The following SORCS3 variants were observed in gnomAD, a reference collection of about 807,000 sequenced individuals.
SORCS3 encodes VPS10 domain-containing receptor SorCS3.
In SORCS3, 57 loss-of-function variants were observed where a neutral mutation model predicts 146.3. That is an observed-to-expected ratio of 0.39 (90% CI 0.31 to 0.49). The LOEUF (loss-of-function observed/expected upper bound fraction) is 0.49. SORCS3 is among the 20% of genes least tolerant of loss of function. SORCS3 has a pLI of 0.92. For missense variants in SORCS3, 1,341 were observed against 1,575.5 expected (o/e 0.85, Z 2.52); for synonymous variants, 653 against 618.5 (o/e 1.06, Z -0.83).
intron 1 of SORCS3, among the ~76,000 whole-genome samples, chr10:104,702,901 T>G (rs1057409670): frequency 6.6e-6 from 1 of 152,216 alleles, no homozygotes; most frequent in African/African-American, 2.4e-5. Context: ...ATTCATTCAT[T>G]CAGTTTCTCT....
chr10:105,033,543 C>T (rs1049457188), intron 4 of SORCS3, among the ~76,000 whole-genome samples: 1 of 152,174 alleles, frequency 6.6e-6, no homozygotes, highest in East Asian at 1.9e-4. Context: ...GATGGGATTC[C>T]TCTCATCTAG....
At chr10:105,013,127 C>A (rs1254496999) in intron 4 of SORCS3, among the ~76,000 whole-genome samples, 1 of 152,044 alleles carries the variant, frequency 6.6e-6, no homozygotes, top group South Asian at 2.1e-4. Flanking sequence ...TCTCAATTGA[C>A]TCATGAAAAT....
intron 9 of SORCS3, among the ~76,000 whole-genome samples, chr10:105,154,566 T>TCAG (rs1350248256): frequency 6.6e-6 from 1 of 152,208 alleles, no homozygotes; most frequent in Non-Finnish European, 1.5e-5. Flanking sequence ...GCTGAAATAA[T>TCAG]CAGCAGCAGC....
At chr10:104,710,302 G>A (rs1436085765) in intron 1 of SORCS3, among the ~76,000 whole-genome samples, 1 of 152,132 alleles carries the variant, frequency 6.6e-6, no homozygotes, top group East Asian at 1.9e-4. Flanking sequence ...CTGCAATCCA[G>A]CCAAAGTGCT....
In SORCS3 at chr10:104,732,016, A is replaced by G. The variant is rs150282389; in HGVS notation, c.627+90062A>G. ...TTTCTTTAACACTGGGGAATATTTT[A>G]TAGGGTTAGAAGGAATAAATGAGAT... On this transcript the variant is annotated intron_variant, in intron 1 of 26. Transcript: ENST00000369701. Among the ~76,000 whole-genome samples, 318 of 152,322 alleles carry G rather than the reference A, an allele frequency of 2.1e-3. 1 individual carries two copies. The highest frequency in any genetic ancestry group is 3.2e-3 in the Non-Finnish European group (221 of 68,010).
intron 20 of SORCS3, among the ~76,000 whole-genome samples, chr10:105,239,404 C>T (rs1224288179): frequency 6.6e-6 from 1 of 152,170 alleles, no homozygotes; most frequent in Admixed American, 6.5e-5. Context: ...ATTAACTTGA[C>T]TTACTGTGTC....
At chr10:104,929,623 G>A (rs1484680626) in intron 3 of SORCS3, among the ~76,000 whole-genome samples, 3 of 152,202 alleles carry the variant, frequency 2.0e-5, no homozygotes, top group Non-Finnish European at 4.4e-5. Flanking sequence ...CAACAGGCCA[G>A]CCCCATTGTC....
intron 16 of SORCS3, among the ~76,000 whole-genome samples, chr10:105,208,458 T>C (rs943093045): frequency 5.3e-5 from 8 of 151,828 alleles, no homozygotes; most frequent in African/African-American, 1.9e-4. Context: ...TGGTATCTGC[T>C]GATCATCATA....
At chr10:104,983,597 GT>G (rs779287108) in intron 4 of SORCS3, among the ~76,000 whole-genome samples, 95 of 152,140 alleles carry the variant, frequency 6.2e-4, no homozygotes, top group Non-Finnish European at 1.2e-3. Context: ...AGGTTTCCCT[GT>G]GTACTTTCAT....
intron 1 of SORCS3, among the ~76,000 whole-genome samples, chr10:104,722,599 A>C (rs2016563731): frequency 6.6e-6 from 1 of 152,200 alleles, no homozygotes. Flanking sequence ...CTGTGAATCC[A>C]ACTGGTCCTG....
chr10:104,878,556 AT>A (rs1362955901), intron 2 of SORCS3, among the ~76,000 whole-genome samples: 1 of 152,210 alleles, frequency 6.6e-6, no homozygotes, highest in Non-Finnish European at 1.5e-5. Context: ...TGTATGTATT[AT>A]TTATGAAAAG....
At chr10:104,658,871 T>A (rs933351046) in intron 1 of SORCS3, among the ~76,000 whole-genome samples, 1 of 152,018 alleles carries the variant, frequency 6.6e-6, no homozygotes, top group Non-Finnish European at 1.5e-5. Context: ...CTTTTGTTTT[T>A]GTTTTTTTTT....
intron 7 of SORCS3, among the ~76,000 whole-genome samples, chr10:105,127,100 T>G (rs2055981276): frequency 6.6e-6 from 1 of 152,110 alleles, no homozygotes; most frequent in South Asian, 2.1e-4. Context: ...ATGAGATTTT[T>G]AAACATGATT....
intron 17 of SORCS3, 34 bp from the exon 18 acceptor site, chr10:105,214,408 A>G (rs748216093): frequency 1.2e-6 from 2 of 1,612,324 alleles, no homozygotes; most frequent in Non-Finnish European, 1.7e-6. Flanking sequence ...AACACAATCA[A>G]CACAAACCAC....
At chr10:105,199,102 A>G (rs1284763840) in intron 14 of SORCS3, among the ~76,000 whole-genome samples, 1 of 152,134 alleles carries the variant, frequency 6.6e-6, no homozygotes, top group Non-Finnish European at 1.5e-5. Context: ...AAGCCATCCA[A>G]TTCCTTGAAA....
At chr10:105,253,429 C>G (rs1564796535) in intron 23 of SORCS3, among the ~76,000 whole-genome samples, 1 of 152,100 alleles carries the variant, frequency 6.6e-6, no homozygotes, top group Non-Finnish European at 1.5e-5. Context: ...AGCAACATTT[C>G]CAAAAGGGAT....
At chr10:104,935,694 A>G (rs2019253119) in intron 3 of SORCS3, among the ~76,000 whole-genome samples, 1 of 140,566 alleles carries the variant, frequency 7.1e-6, no homozygotes, top group South Asian at 2.6e-4. Flanking sequence ...AGGAAGCTAT[A>G]TTGAAGCAGA....
intron 1 of SORCS3, among the ~76,000 whole-genome samples, chr10:104,794,622 G>GGA (rs371695559): frequency 0.13 from 5,412 of 41,150 alleles, 153 homozygotes; most frequent in Non-Finnish European, 0.16. Flanking sequence ...AGAGAGGGAG[G>GGA]GAGAGAGAGA....
chr10:104,947,878 G>A (rs1342639725), intron 3 of SORCS3, among the ~76,000 whole-genome samples: 1 of 152,082 alleles, frequency 6.6e-6, no homozygotes. Flanking sequence ...GCCTCCCAAA[G>A]TGCTGGGATT....
Sources: gnomAD v4.1 joint callset for allele counts (sites outside exome capture counted in the v4.1 genomes callset) on GRCh38, gnomAD v4.1.1 for gene constraint, MANE v1.5 for transcripts, NCBI Gene and HGNC (gene_info 2026-07-23, HGNC 2026-07-21) for gene names.